Variants in ICA1 observed in about 807,000 individuals in gnomAD.
ICA1 encodes 69 kDa islet cell autoantigen.
A neutral mutation model predicts 71.0 loss-of-function variants in ICA1; 40 were observed. That is an observed-to-expected ratio of 0.56 (90% confidence interval 0.44 to 0.73). ICA1 has a LOEUF of 0.73. Ranked by LOEUF, ICA1 falls within the 30% of genes least tolerant of loss-of-function variation. The pLI, the probability that ICA1 is intolerant of heterozygous loss-of-function variation, is 0.00. For missense variants in ICA1, 578 were observed against 576.5 expected (o/e 1.00, Z -0.03); for synonymous variants, 207 against 209.5 (o/e 0.99, Z 0.10).
At chr7:8,145,336 G>C (rs996113914) in intron 8 of ICA1, among the ~76,000 whole-genome samples, 1 of 152,018 alleles carries the variant, frequency 6.6e-6, no homozygotes, top group Non-Finnish European at 1.5e-5. Context: ...TTTCAGTTAG[G>C]ATGGTCTCCT....
In ICA1 at chr7:8,234,953, C is replaced by T. The variant is rs193033502; in HGVS notation, c.17+957G>A. On this transcript the variant is annotated intron_variant, in intron 2 of 13. Transcript: ENST00000402384. The surrounding 1 kb of genome is among the most constrained non-coding windows in gnomAD (Gnocchi z 4.5). ...GGCTGAGGTGGGCAGATCATGAGGT[C>T]AAGAGATCGAGACCATCCTGGCCAA... Among the ~76,000 whole-genome samples the T allele has an allele frequency of 8.5e-5, 13 of 152,168 alleles. No individual in the cohort carries two copies. The highest frequency in any genetic ancestry group is 7.2e-4 in the Admixed American group (11 of 15,294).
At chr7:8,120,223 T>G (rs749643722) in intron 13 of ICA1, among the ~76,000 whole-genome samples, 5 of 152,228 alleles carry the variant, frequency 3.3e-5, no homozygotes, top group Non-Finnish European at 7.3e-5. Context: ...CAAGTCACAT[T>G]CTTTTCTCCG....
At chr7:8,244,765 T>C (rs1805335382) in intron 1 of ICA1, among the ~76,000 whole-genome samples, 1 of 152,118 alleles carries the variant, frequency 6.6e-6, no homozygotes, top group African/African-American at 2.4e-5. Context: ...AACAGACACT[T>C]CACAAAAGAA....
intron 8 of ICA1, among the ~76,000 whole-genome samples, chr7:8,154,465 C>G (rs758943617): frequency 1.9e-4 from 29 of 152,188 alleles, no homozygotes; most frequent in Non-Finnish European, 4.0e-4. Flanking sequence ...CCAACACACT[C>G]AGAATACACC....
At chr7:8,185,393 T>C (rs1783589792) in intron 6 of ICA1, among the ~76,000 whole-genome samples, 1 of 152,132 alleles carries the variant, frequency 6.6e-6, no homozygotes, top group Non-Finnish European at 1.5e-5. Context: ...CATCCATCCA[T>C]CCACCCACCC....
At chr7:8,258,805 AAGTGTGGTCAGCC>A (rs1188694108) in intron 1 of ICA1, among the ~76,000 whole-genome samples, 1 of 152,232 alleles carries the variant, frequency 6.6e-6, no homozygotes, top group Non-Finnish European at 1.5e-5. Flanking sequence ...AGAATAGTGA[AAGTGTGGTCAGCC>A]AGGATTTTTA....
At chr7:8,151,744 C>A (rs967876711) in intron 8 of ICA1, among the ~76,000 whole-genome samples, 1 of 152,072 alleles carries the variant, frequency 6.6e-6, no homozygotes, top group Non-Finnish European at 1.5e-5. Context: ...AAGAAGGCTG[C>A]GAGGCATATG....
intron 8 of ICA1, among the ~76,000 whole-genome samples, chr7:8,149,990 T>C (rs3757524): frequency 0.23 from 34,694 of 152,196 alleles, 5,698 homozygotes; most frequent in African/African-American, 0.47. Flanking sequence ...AAAGACACTA[T>C]ATAAGAAACA....
intron 6 of ICA1, among the ~76,000 whole-genome samples, chr7:8,186,040 G>C (rs1783806155): frequency 6.6e-6 from 1 of 152,240 alleles, no homozygotes; most frequent in South Asian, 2.1e-4. Flanking sequence ...GGTGGCAAAA[G>C]AGTGGTTGTA....
intron 4 of ICA1, chr7:8,227,918 G>T: frequency 2.4e-6 from 1 of 418,368 alleles, no homozygotes. Flanking sequence ...AAATATTACT[G>T]ATGTAGAAAA....
chr7:8,218,151 T>A (rs182243620), intron 6 of ICA1, among the ~76,000 whole-genome samples, 154 bp downstream of exon 6: 15 of 152,336 alleles, frequency 9.8e-5, no homozygotes, highest in African/African-American at 2.6e-4. Context: ...ATGTATCACA[T>A]TAATTGGTAT....
chr7:8,214,850 G>A (rs1201663596), intron 6 of ICA1, among the ~76,000 whole-genome samples: 2 of 152,242 alleles, frequency 1.3e-5, no homozygotes, highest in African/African-American at 4.8e-5. Context: ...AGCCTTGGTT[G>A]GAAGTGAAAA....
At chr7:8,177,250 A>C (rs1780904363) in intron 6 of ICA1, among the ~76,000 whole-genome samples, 1 of 152,232 alleles carries the variant, frequency 6.6e-6, no homozygotes, top group African/African-American at 2.4e-5. Context: ...AGTTTATAAT[A>C]TGTAGATACA....
chr7:8,231,253 G>C (rs1800190246), intron 3 of ICA1, among the ~76,000 whole-genome samples: 1 of 152,108 alleles, frequency 6.6e-6, no homozygotes, highest in Non-Finnish European at 1.5e-5. Flanking sequence ...CTGAGACAAG[G>C]CCATCATAGC....
chr7:8,209,908 A>G (rs924919898), intron 6 of ICA1, among the ~76,000 whole-genome samples: 3 of 152,150 alleles, frequency 2.0e-5, no homozygotes, highest in Admixed American at 6.5e-5. Flanking sequence ...CAGGGTGTGC[A>G]TGTATGTGTG....
At chr7:8,235,233 A>G (rs1037975184) in intron 2 of ICA1, among the ~76,000 whole-genome samples, 2 of 152,188 alleles carry the variant, frequency 1.3e-5, no homozygotes, top group African/African-American at 4.8e-5. Context: ...GTTTTTCATG[A>G]TACAAATTAA....
chr7:8,131,830 A>G (rs917227721), intron 12 of ICA1, among the ~76,000 whole-genome samples: 1 of 152,196 alleles, frequency 6.6e-6, no homozygotes, highest in Non-Finnish European at 1.5e-5. Context: ...AAAAAATTCA[A>G]CTCAACTGAG....
At chr7:8,211,881 G>C (rs1340880813) in intron 6 of ICA1, among the ~76,000 whole-genome samples, 1 of 152,112 alleles carries the variant, frequency 6.6e-6, no homozygotes, top group Non-Finnish European at 1.5e-5. Flanking sequence ...TGTGAAAGGA[G>C]CCAGACCACT....
intron 6 of ICA1, among the ~76,000 whole-genome samples, chr7:8,160,039 T>C (rs573384009): frequency 4.3e-4 from 66 of 152,278 alleles, no homozygotes; most frequent in African/African-American, 1.6e-3. Context: ...GTCTACGTTG[T>C]TCATCATTAT....
Sources: gnomAD v4.1 joint callset for allele counts (sites outside exome capture counted in the v4.1 genomes callset) on GRCh38, gnomAD v4.1.1 for gene constraint, Gnocchi (gnomAD v3.1) non-coding constraint, MANE v1.5 for transcripts, NCBI Gene and HGNC (gene_info 2026-07-23, HGNC 2026-07-21) for gene names.